ABCB6: variants seen among roughly 807,000 people sequenced by gnomAD.
ABCB6 encodes the protein ATP-binding cassette sub-family B member 6.
A neutral mutation model predicts 99.4 loss-of-function variants in ABCB6; 87 were observed. The ratio of observed to expected loss-of-function variants is 0.88; its 90% CI spans 0.74 to 1.05. The LOEUF (loss-of-function observed/expected upper bound fraction) is 1.05. Ranked by LOEUF, ABCB6 falls within the 50% of genes least tolerant of loss-of-function variation. The pLI is 0.00. For missense variants in ABCB6, 1,050 were observed against 1,097.9 expected, an observed-to-expected ratio of 0.96 and a Z score of 0.62; for synonymous variants, 482 against 447.5, an observed-to-expected ratio of 1.08 and a Z score of -0.97.
intron 5 of ABCB6, 158 bp from the exon 6 acceptor site, chr2:219,215,240 G>C: frequency 1.2e-6 from 1 of 816,090 alleles, no homozygotes; most frequent in South Asian, 1.8e-5. Context: ...AATCAACCAT[G>C]CTCAAACTAC....
chr2:219,212,462 T>C lies in ABCB6; in HGVS notation c.1893A>G (p.Thr631=), dbSNP rs752576584. Residue 631 remains threonine (T), a synonymous_variant, in exon 14 of 19, where the codon ACA becomes ACG. Transcript: ENST00000265316. ...AGAAGCGAAACAGCAGGCGCAAAAT[T>C]GTGCTCTTCCCTGCCCCAGATGGGC... is the stretch of plus-strand genomic sequence containing the variant. ...LVGPSGAGKS[T]ILRLLFRFYD... 2 of 1,613,964 alleles carry C rather than the reference T, an allele frequency of 1.2e-6. No individual in the cohort carries two copies. The highest frequency in any genetic ancestry group is 1.7e-6 in the Non-Finnish European group (2 of 1,180,026).
At chr2:219,210,124 CGGGAT>C (rs1559234022) in intron 18 of ABCB6, 78 bp from the exon 19 acceptor site, 4 of 1,595,482 alleles carry the variant, frequency 2.5e-6, no homozygotes, top group Non-Finnish European at 3.4e-6. Context: ...ACAGAGAGGA[CGGGAT>C]GGGAAGGGAG....
At chr2:219,210,666 G>C (rs1306564408) in intron 16 of ABCB6, 45 bp downstream of exon 16, 12 of 1,611,526 alleles carry the variant, frequency 7.4e-6, no homozygotes, top group Admixed American at 1.7e-5. Flanking sequence ...GGAACGGCTT[G>C]AGCATACACA....
chr2:219,210,888 G>A (rs749482807), intron 15 of ABCB6, 46 bp downstream of exon 15: 19 of 1,613,290 alleles, frequency 1.2e-5, no homozygotes, highest in Admixed American at 6.7e-5. Context: ...GGATTAGCAG[G>A]ACAACACCAG....
chr2:219,215,066 C>T lies in ABCB6; in HGVS notation c.1171G>A (p.Val391Ile). The change falls in exon 6 of 19, where the codon GTC becomes ATC. Residue 391 changes from valine (V) to isoleucine (I), a missense_variant. Coordinates refer to ENST00000265316, the MANE Select transcript of ABCB6 (RefSeq NM_005689.4). ...ATGATGTCGGCCAGCGTGGGGATGACATTGAACACCAGGTAGCTAGGAGGG... is the reference window on the plus strand; with the variant it reads ...ATGATGTCGGCCAGCGTGGGGATGATATTGAACACCAGGTAGCTAGGAGGG... ...TGLLSYLVFN[V>I]IPTLADIIIG... The T allele has an allele frequency of 1.2e-6, 2 of 1,614,124 alleles. No homozygotes were observed. The highest frequency in any genetic ancestry group is 1.7e-6 in the Non-Finnish European group (2 of 1,180,018).
intron 14 of ABCB6, 34 bp from the exon 15 acceptor site, chr2:219,211,142 A>T: frequency 6.2e-7 from 1 of 1,609,656 alleles, no homozygotes. Flanking sequence ...CTGCCTTATG[A>T]GATACCCCCA....
At position 219,211,016 on chromosome 2, in the gene ABCB6, G is replaced by A. The variant is rs1164533175; in HGVS notation, c.2061C>T (p.Gly687=). ...NDTIADNIRY[G]RVTAGNDEVE... is the part of the protein sequence containing the mutation. ...CCTCATCATTCCCAGCTGTGACACG[G>A]CCGTAACGGATATTGTCGGCGATGG... The change falls in exon 15 of 19, where the codon GGC becomes GGT. Residue 687 remains glycine (G), a synonymous_variant. Transcript: ENST00000265316. 5 of 1,614,160 alleles carry A rather than the reference G, an allele frequency of 3.1e-6. No individual in the cohort carries two copies. In the East Asian group the frequency reaches 1.1e-4, roughly 36 times the overall value.
chr2:219,210,833 T>C lies in ABCB6; in HGVS notation c.2144-10A>G, dbSNP rs1950568372. 2 of 1,613,704 alleles carry C rather than the reference T, an allele frequency of 1.2e-6. No homozygotes were observed. Among genetic ancestry groups the C allele is most frequent in the Middle Eastern group, 1.6e-4 (1 of 6,084 alleles). On this transcript the variant is annotated splice_polypyrimidine_tract_variant and intron_variant, in intron 15 of 18. Coordinates refer to ENST00000265316, the MANE Select transcript of ABCB6 (RefSeq NM_005689.4). Reference sequence around the variant, plus strand: ...ACCTGTGTCCTGTACCCTGTGGATATTACCCACCACACGTTTCTTACGAAA... The same window carrying C: ...ACCTGTGTCCTGTACCCTGTGGATACTACCCACCACACGTTTCTTACGAAA...
chr2:219,215,460 A>T (rs1950627968), intron 5 of ABCB6: 1 of 206,756 alleles, frequency 4.8e-6, no homozygotes, highest in Admixed American at 5.4e-5. Context: ...AGCAGAACCC[A>T]GCTGGGCACA....
Position 219,212,711 on chromosome 2 carries a change from A to G in ABCB6, c.1864-220T>C, listed in dbSNP as rs575387079. Among the ~76,000 whole-genome samples, 26 of 152,090 alleles carry G rather than the reference A, an allele frequency of 1.7e-4. 2 individuals carry two copies. Among genetic ancestry groups the G allele is most frequent in the African/African-American group, 6.3e-4 (26 of 41,480 alleles). ...TAATTTTTGTATTTTTAGTAGAGAT[A>G]GGGTTTCACCATGTTGGTCAGGCTG... On this transcript the variant is annotated intron_variant, in intron 13 of 18. Transcript: ENST00000265316.
At position 219,216,138 on chromosome 2, in the gene ABCB6, T is replaced by C; in HGVS notation, c.1013A>G (p.Gln338Arg). ...CTCCACCCGCCGAGACGTGAACTGC[T>C]GCACCCGGATCCACAGGAAGGTGCG... ...NLRTFLWIRV[Q>R]QFTSRRVELL... Residue 338 changes from glutamine (Q) to arginine (R), a missense_variant, in exon 5 of 19, where the codon CAG (glutamine) becomes CGG (arginine). Coordinates refer to ENST00000265316, the MANE Select transcript of ABCB6 (RefSeq NM_005689.4). This position sits in a 1 kb window ranked among gnomAD's most constrained non-coding sequence, Gnocchi z 4.2. The C allele has an allele frequency of 6.2e-7, 1 of 1,602,484 alleles. No individual in the cohort carries two copies. The highest frequency in any genetic ancestry group is 1.1e-5 in the South Asian group (1 of 89,370).
chr2:219,210,344 C>A (rs1950560659), intron 17 of ABCB6, 37 bp downstream of exon 17: 1 of 1,614,190 alleles, frequency 6.2e-7, no homozygotes, highest in East Asian at 2.2e-5. Context: ...CCAAAGCGGG[C>A]CACATCACCA....
chr2:219,217,880 CG>C lies in ABCB6; in HGVS notation c.550-74del, dbSNP rs1335822945. Reference sequence around the variant, plus strand: ...ATTGTATTACTACTTATAATAGGGCCGGGGACTGGTGTCATGAACACATTCA... The same window carrying C: ...ATTGTATTACTACTTATAATAGGGCCGGGACTGGTGTCATGAACACATTCA... On this transcript the variant is annotated intron_variant, in intron 1 of 18. Transcript: ENST00000265316. 12 of 1,517,162 alleles carry C rather than the reference CG, an allele frequency of 7.9e-6. No homozygotes were observed. In the South Asian group the frequency reaches 1.3e-4, roughly 17 times the overall value. 94.0% of individuals were successfully genotyped at this position (1,517,162 alleles called of 1,614,324 possible). A position where few individuals can be genotyped will look rare whatever the true frequency, so the allele number is the denominator to read the frequency against.
Position 219,216,547 on chromosome 2 carries a change from CT to C in ABCB6, c.869-83del. 3.2e-6 allele frequency: 5 copies of C among 1,549,570 alleles called. No homozygotes were observed. The highest frequency in any genetic ancestry group is 4.4e-6 in the Non-Finnish European group (5 of 1,138,296). Reference sequence around the variant, plus strand: ...AATGGCCCCAGGTACCAGCCACAGTCTCTTTCTGACCACCCAGCTCTGTCCC... The same window carrying C: ...AATGGCCCCAGGTACCAGCCACAGTCCTTTCTGACCACCCAGCTCTGTCCC... On this transcript the variant is annotated intron_variant, in intron 3 of 18. Coordinates refer to ENST00000265316, the MANE Select transcript of ABCB6 (RefSeq NM_005689.4). The surrounding 1 kb of genome is among the most constrained non-coding windows in gnomAD (Gnocchi z 4.2).
chr2:219,216,162 C>G lies in ABCB6; in HGVS notation c.989G>C (p.Arg330Pro). The change falls in exon 5 of 19, where the codon CGC becomes CCC. Residue 330 changes from arginine (R) to proline (P), a missense_variant. Arg to Pro is a moderately radical substitution (Grantham distance 103). Transcript: ENST00000265316. This position sits in a 1 kb window ranked among gnomAD's most constrained non-coding sequence, Gnocchi z 4.2. ...CTGCACCCGGATCCACAGGAAGGTG[C>G]GCAGGTTGCTCACGAAGCCTGCAGG... ...TGSTGFVSNL[R>P]TFLWIRVQQF... 6.3e-7 allele frequency: 1 copy of G among 1,594,902 alleles called. No individual in the cohort carries two copies. Among genetic ancestry groups the G allele is most frequent in the Non-Finnish European group, 8.6e-7 (1 of 1,169,134 alleles).
rs1950562588 is a variant in ABCB6, at chr2:219,210,475, C to T, written c.2257G>A (p.Ala753Thr). The change falls in exon 17 of 19, where the codon GCA (alanine) becomes ACA (threonine). Residue 753 changes from alanine to threonine, a missense_variant and splice_region_variant. Transcript: ENST00000265316. ...KAPGIILLDE[A>T]TSALDTSNER... ...TTAGATGTATCCAGCGCTGACGTTG[C>T]CTATAGAGAGGGTCCAGGTAAAACT... 6.2e-7 allele frequency: 1 copy of T among 1,613,828 alleles called. No homozygotes were observed. The highest frequency in any genetic ancestry group is 1.7e-5 in the Admixed American group (1 of 59,954).
rs140239756 is a variant in ABCB6, at chr2:219,211,098, G to T, written c.1979C>A (p.Ala660Asp). ...DGQDISQVTQ[A>D]SLRSHIGVVP... ...AACTCCAATGTGAGACCGGAGAGAG[G>T]CCTGGGTCACCTAGGGCCAAAAGAC... Residue 660 changes from alanine to aspartate, a missense_variant, in exon 15 of 19, where the codon GCC (alanine) becomes GAC (aspartate). Ala to Asp is a moderately radical substitution (Grantham distance 126). Transcript: ENST00000265316. 25 of 1,613,984 alleles carry T rather than the reference G, an allele frequency of 1.5e-5. No individual in the cohort carries two copies. The African/African-American group carries it at 3.2e-4, about 21-fold the overall frequency.
At chr2:219,213,125 C>T in intron 12 of ABCB6, 60 bp from the exon 13 acceptor site, 2 of 1,604,572 alleles carry the variant, frequency 1.2e-6, no homozygotes, top group South Asian at 2.2e-5. Context: ...TGCTAGTAGG[C>T]CCTGCCCCTC....
rs750994049 is a variant in ABCB6 at position 219,216,350 on chromosome 2, G to A, written c.970+14C>T. Reference sequence around the variant, plus strand: ...GACCTATACCTAGCAGGGTGAGGGCGGAGTCTCTCATACCTGTACTGCCAG... The same window carrying A: ...GACCTATACCTAGCAGGGTGAGGGCAGAGTCTCTCATACCTGTACTGCCAG... On this transcript the variant is annotated intron_variant, in intron 4 of 18. Coordinates refer to ENST00000265316, the MANE Select transcript of ABCB6 (RefSeq NM_005689.4). The surrounding 1 kb of genome is among the most constrained non-coding windows in gnomAD (Gnocchi z 4.2). 16 of 1,609,166 alleles carry A rather than the reference G, an allele frequency of 9.9e-6. No individual in the cohort carries two copies. The highest frequency in any genetic ancestry group is 1.3e-5 in the African/African-American group (1 of 74,778).
Sources: gnomAD v4.1 joint callset for allele counts (sites outside exome capture counted in the v4.1 genomes callset) on GRCh38, gnomAD v4.1.1 for gene constraint, Gnocchi (gnomAD v3.1) non-coding constraint, MANE v1.5 for transcripts, NCBI Gene and HGNC (gene_info 2026-07-23, HGNC 2026-07-21) for gene names.